CSMD1: variants seen among roughly 807,000 people sequenced by gnomAD.
CSMD1 encodes CUB and sushi domain-containing protein 1.
Under a neutral mutation model 417.5 loss-of-function variants are expected in CSMD1, and 213 were observed. The observed-to-expected ratio is 0.51, with a 90% CI of 0.46 to 0.57. The LOEUF (loss-of-function observed/expected upper bound fraction) is 0.57, where lower values mean the gene tolerates loss of function less well. Among genes scored for constraint, CSMD1 ranks in the 20% least tolerant of loss-of-function variants. The probability of loss-of-function intolerance (pLI) is 0.00; values close to 1 mark genes in which losing one functional copy is unlikely to be tolerated. For missense variants in CSMD1, 6,923 were observed against 4,529.7 expected (o/e 1.53, Z -15.17); for synonymous variants, 2,862 against 1,736.8 (o/e 1.65, Z -16.11).
At chr8:4,517,312 G>A (rs1288269018) in intron 2 of CSMD1, among the ~76,000 whole-genome samples, 2 of 152,184 alleles carry the variant, frequency 1.3e-5, no homozygotes, top group African/African-American at 4.8e-5. Context: ...GGGTCAGGCA[G>A]GCCCCGCTGT....
At chr8:3,799,244 G>C (rs1230879785) in intron 5 of CSMD1, among the ~76,000 whole-genome samples, 2 of 150,588 alleles carry the variant, frequency 1.3e-5, no homozygotes, top group African/African-American at 4.9e-5. Flanking sequence ...TTTTTTCTTT[G>C]ATCACAGCAT....
intron 1 of CSMD1, among the ~76,000 whole-genome samples, chr8:4,862,219 T>A (rs1280531201): frequency 1.3e-5 from 2 of 151,938 alleles, no homozygotes; most frequent in African/African-American, 4.8e-5. Context: ...GGGGCTTGAA[T>A]ACAGAAAGTG....
chr8:4,322,344 C>A (rs1457585193), intron 3 of CSMD1, among the ~76,000 whole-genome samples: 2 of 152,120 alleles, frequency 1.3e-5, no homozygotes, highest in African/African-American at 4.8e-5. Flanking sequence ...ACAATCTGAG[C>A]ACTGGAGAGA....
intron 69 of CSMD1, among the ~76,000 whole-genome samples, chr8:2,940,810 T>C (rs1435586948): frequency 1.3e-5 from 2 of 152,220 alleles, no homozygotes; most frequent in African/African-American, 2.4e-5. Context: ...ACAGCTTTAA[T>C]GGACTAGACC....
At chr8:3,593,632 G>T (rs1419320934) in intron 8 of CSMD1, among the ~76,000 whole-genome samples, 1 of 152,158 alleles carries the variant, frequency 6.6e-6, no homozygotes, top group African/African-American at 2.4e-5. Context: ...AACAGATAAA[G>T]TTTTCTGACT....
At chr8:4,129,363 A>G (rs901925434) in intron 3 of CSMD1, among the ~76,000 whole-genome samples, 3 of 152,100 alleles carry the variant, frequency 2.0e-5, no homozygotes, top group African/African-American at 7.2e-5. Flanking sequence ...ATGCATTCCC[A>G]GTTTCCTTGA....
chr8:4,230,536 G>C (rs983277398), intron 3 of CSMD1, among the ~76,000 whole-genome samples: 2 of 152,088 alleles, frequency 1.3e-5, no homozygotes, highest in African/African-American at 2.4e-5. Context: ...TTTTAGGCCA[G>C]TTGCTCAATT....
At chr8:4,475,549 C>G (rs563270227) in intron 2 of CSMD1, among the ~76,000 whole-genome samples, 2 of 152,240 alleles carry the variant, frequency 1.3e-5, no homozygotes, top group East Asian at 3.9e-4. Context: ...ATCTATCTTG[C>G]AACCTATACG....
intron 1 of CSMD1, among the ~76,000 whole-genome samples, chr8:4,762,086 T>G (rs905115094): frequency 6.6e-6 from 1 of 152,112 alleles, no homozygotes; most frequent in Non-Finnish European, 1.5e-5. Flanking sequence ...GTATAGTAGC[T>G]GGTGTTTTAA....
At chr8:4,727,950 A>G (rs293877) in intron 1 of CSMD1, among the ~76,000 whole-genome samples, 1,872 of 81,538 alleles carry the variant, frequency 0.023, 32 homozygotes, top group African/African-American at 0.095. Flanking sequence ...CAAAATATAT[A>G]TATGTATATA....
At chr8:4,004,578 A>G (rs1179242004) in intron 4 of CSMD1, among the ~76,000 whole-genome samples, 1 of 152,142 alleles carries the variant, frequency 6.6e-6, no homozygotes, top group Non-Finnish European at 1.5e-5. Context: ...TAAACAAAAC[A>G]TATTTATTTG....
At chr8:4,789,514 A>G (rs946998286) in intron 1 of CSMD1, among the ~76,000 whole-genome samples, 1 of 152,130 alleles carries the variant, frequency 6.6e-6, no homozygotes, top group Non-Finnish European at 1.5e-5. Context: ...CACCTCACCT[A>G]TATAATTTTA....
chr8:4,615,644 T>A (rs978303397), intron 2 of CSMD1, among the ~76,000 whole-genome samples: 1 of 152,132 alleles, frequency 6.6e-6, no homozygotes, highest in African/African-American at 2.4e-5. Context: ...ATAAATATAT[T>A]TTTTTGTGAG....
intron 2 of CSMD1, among the ~76,000 whole-genome samples, chr8:4,596,967 A>G (rs1297325381): frequency 6.6e-6 from 1 of 152,128 alleles, no homozygotes; most frequent in Non-Finnish European, 1.5e-5. Flanking sequence ...TGCCACCTCC[A>G]TGTTAGAAGT....
intron 3 of CSMD1, among the ~76,000 whole-genome samples, chr8:4,412,271 A>C (rs1281961878): frequency 5.3e-5 from 8 of 152,134 alleles, no homozygotes; most frequent in Non-Finnish European, 7.4e-5. Flanking sequence ...CAGATTTCTC[A>C]TGAATAGTTT....
At chr8:4,200,852 T>G (rs568995474) in intron 3 of CSMD1, among the ~76,000 whole-genome samples, 1 of 152,138 alleles carries the variant, frequency 6.6e-6, no homozygotes, top group East Asian at 1.9e-4. Context: ...AGTGAAACCC[T>G]GTCTCAAAAT....
At chr8:4,829,980 G>C (rs116398931) in intron 1 of CSMD1, among the ~76,000 whole-genome samples, 2 of 152,188 alleles carry the variant, frequency 1.3e-5, no homozygotes, top group African/African-American at 4.8e-5. Context: ...AAACATATCG[G>C]ACAGCTTGTC....
intron 3 of CSMD1, among the ~76,000 whole-genome samples, chr8:4,112,178 C>G (rs1388795753): frequency 6.6e-6 from 1 of 152,180 alleles, no homozygotes; most frequent in Non-Finnish European, 1.5e-5. Flanking sequence ...CAGTCTATAG[C>G]TGCTGAGCCA....
intron 23 of CSMD1, among the ~76,000 whole-genome samples, chr8:3,337,892 C>G (rs1397597801): frequency 6.6e-6 from 1 of 152,176 alleles, no homozygotes; most frequent in East Asian, 1.9e-4. Context: ...AAACTTCTGC[C>G]AATATACCCT....
Sources: allele counts gnomAD v4.1 joint callset (sites outside exome capture counted in the v4.1 genomes callset), GRCh38; gene constraint gnomAD v4.1.1; transcripts MANE v1.5; gene names NCBI Gene and HGNC (gene_info 2026-07-23, HGNC 2026-07-21).